The following MYO7A variants were observed in gnomAD, a reference collection of about 807,000 sequenced individuals.
MYO7A encodes the protein unconventional myosin-VIIa.
A neutral mutation model predicts 263.8 loss-of-function variants in MYO7A; 210 were observed. The observed-to-expected ratio is 0.80, with a 90% confidence interval of 0.71 to 0.89. The LOEUF is 0.89. Ranked by LOEUF, MYO7A falls within the 40% of genes least tolerant of loss-of-function variation. The pLI is 0.00. For synonymous variants in MYO7A, 1,239 were observed against 1,197.3 expected (o/e 1.03, Z -0.72); for missense variants, 2,820 against 2,968.3 (o/e 0.95, Z 1.16).
intron 2 of MYO7A, among the ~76,000 whole-genome samples, chr11:77,132,526 G>A (rs1950796713): frequency 6.6e-6 from 1 of 152,118 alleles, no homozygotes; most frequent in African/African-American, 2.4e-5. Context: ...GTCTTGCTTT[G>A]TCACCAGGCT....
At position 77,206,084 on chromosome 11, in the gene MYO7A, G is replaced by C; in HGVS notation, c.5637-13G>C. On this transcript the variant is annotated splice_polypyrimidine_tract_variant and intron_variant, in intron 40 of 48. Transcript: ENST00000409709. ...CACGCACATGCCCCCTGCTGCCCCTGCTGCCTTTTCAGAAACGGGTCCCGG... is the reference window on the plus strand; with the variant it reads ...CACGCACATGCCCCCTGCTGCCCCTCCTGCCTTTTCAGAAACGGGTCCCGG... 6.2e-7 allele frequency: 1 copy of C among 1,601,468 alleles called. No individual in the cohort carries two copies. Among genetic ancestry groups the C allele is most frequent in the South Asian group, 1.1e-5 (1 of 89,098 alleles).
At chr11:77,142,162 C>T (rs548891316) in intron 2 of MYO7A, among the ~76,000 whole-genome samples, 156 of 152,370 alleles carry the variant, frequency 1.0e-3, no homozygotes, top group African/African-American at 3.3e-3. Flanking sequence ...ACATCCTCCC[C>T]CAGGATCAGG....
intron 27 of MYO7A, 56 bp from the exon 28 acceptor site, chr11:77,189,288 G>C: frequency 6.2e-7 from 1 of 1,604,898 alleles, no homozygotes; most frequent in Non-Finnish European, 8.5e-7. Context: ...AGGAGGTGGG[G>C]ACCGGGGCTG....
intron 14 of MYO7A, among the ~76,000 whole-genome samples, chr11:77,163,735 C>A (rs541474864): frequency 1.3e-5 from 2 of 152,098 alleles, no homozygotes; most frequent in Non-Finnish European, 2.9e-5. Context: ...TTTTCATCCA[C>A]GTTGTAGCAT....
In MYO7A at chr11:77,189,890, G is replaced by A. The variant is rs1396456699; in HGVS notation, c.3631-130G>A. The stretch of plus-strand genomic sequence containing the variant: ...CTGGAAATAGATGGTGGAGCTGAGA[G>A]GGTAGGGAAGCCACAGAAAGCAACC... On this transcript the variant is annotated intron_variant, in intron 28 of 48. Transcript: ENST00000409709. The A allele has an allele frequency of 5.1e-6, 7 of 1,379,520 alleles. No homozygotes were observed. The African/African-American group carries it at 7.3e-5, about 14-fold the overall frequency. 85.5% of individuals were successfully genotyped at this position (1,379,520 alleles called of 1,614,324 possible). A position where few individuals can be genotyped will look rare whatever the true frequency, so the allele number is the denominator to read the frequency against.
chr11:77,152,659 G>A (rs185898405), intron 4 of MYO7A, among the ~76,000 whole-genome samples: 54 of 152,020 alleles, frequency 3.6e-4, no homozygotes, highest in Admixed American at 3.2e-3. Context: ...TCTTTCGGCC[G>A]CTCAGCAAAC....
chr11:77,184,018 C>G (rs1955464624), intron 26 of MYO7A, among the ~76,000 whole-genome samples: 1 of 152,204 alleles, frequency 6.6e-6, no homozygotes, highest in African/African-American at 2.4e-5. Context: ...GTCTGCACCA[C>G]CCACTCCTGC....
chr11:77,206,394 C>G (rs896593580), intron 41 of MYO7A, among the ~76,000 whole-genome samples, 192 bp downstream of exon 41: 4 of 152,212 alleles, frequency 2.6e-5, no homozygotes, highest in African/African-American at 9.6e-5. Flanking sequence ...GGTTCCTGAT[C>G]CAACCCCTGC....
intron 3 of MYO7A, among the ~76,000 whole-genome samples, chr11:77,143,279 A>C (rs572672009): frequency 6.6e-6 from 1 of 152,234 alleles, no homozygotes; most frequent in African/African-American, 2.4e-5. Context: ...TGACCCATAC[A>C]TGAGATCACA....
At chr11:77,179,517 C>A (rs1221022138) in intron 20 of MYO7A, among the ~76,000 whole-genome samples, 1 of 152,188 alleles carries the variant, frequency 6.6e-6, no homozygotes, top group Non-Finnish European at 1.5e-5. Flanking sequence ...CTCTTGGGGG[C>A]CCCAACTCAG....
intron 40 of MYO7A, among the ~76,000 whole-genome samples, 156 bp from the exon 41 acceptor site, chr11:77,205,941 G>A (rs979793700): frequency 6.6e-6 from 1 of 152,112 alleles, no homozygotes; most frequent in African/African-American, 2.4e-5. Flanking sequence ...TTTTACAGAT[G>A]AGGAGCTCAA....
At position 77,142,829 on chromosome 11, in the gene MYO7A, A is replaced by G; in HGVS notation, c.132+7A>G. The G allele has an allele frequency of 6.3e-7, 1 of 1,591,894 alleles. No homozygotes were observed. The highest frequency in any genetic ancestry group is 2.3e-5 in the East Asian group (1 of 44,064). ...GGTGGATGATGAAGACAATGTGAGT[A>G]GTCCCCTCCCTCCTCCTGCCCCATG... On this transcript the variant is annotated splice_region_variant and intron_variant, in intron 3 of 48. Coordinates refer to ENST00000409709, the MANE Select transcript of MYO7A (RefSeq NM_000260.4).
chr11:77,147,612 G>C (rs527335993), intron 3 of MYO7A, among the ~76,000 whole-genome samples, 186 bp from the exon 4 acceptor site: 3 of 152,120 alleles, frequency 2.0e-5, no homozygotes, highest in East Asian at 1.9e-4. Context: ...CGGTCCTTGA[G>C]GGGTAGAGGT....
intron 16 of MYO7A, among the ~76,000 whole-genome samples, chr11:77,173,211 A>G (rs1954294949): frequency 6.6e-6 from 1 of 152,136 alleles, no homozygotes; most frequent in African/African-American, 2.4e-5. Context: ...TCTACCTCCT[A>G]AGGCTATTCC....
intron 12 of MYO7A, among the ~76,000 whole-genome samples, chr11:77,161,459 T>C (rs1308301694): frequency 6.6e-6 from 1 of 152,182 alleles, no homozygotes; most frequent in African/African-American, 2.4e-5. Flanking sequence ...ACGCTTGTGT[T>C]GGGGTCTCCG....
In MYO7A at chr11:77,175,449, C is replaced by T. The variant is rs781809036; in HGVS notation, c.2172C>T (p.Thr724=). The T allele has an allele frequency of 6.2e-7, 1 of 1,613,306 alleles. No individual in the cohort carries two copies. ...GTHDDWQIGK[T]KIFLKDHHDM... ...ACGATGACTGGCAGATAGGCAAAAC[C>T]AAGATCTTTCTGAAGGTGAGCACAG... The change falls in exon 18 of 49, where the codon ACC becomes ACT. Residue 724 remains threonine (T), a synonymous_variant. Transcript: ENST00000409709.
intron 45 of MYO7A, 32 bp downstream of exon 45, chr11:77,211,369 G>A: frequency 6.4e-7 from 1 of 1,552,002 alleles, no homozygotes; most frequent in Non-Finnish European, 8.7e-7. Context: ...GGAATGGTGG[G>A]GCCCTGAATG....
intron 2 of MYO7A, chr11:77,142,448 G>A: frequency 2.1e-5 from 11 of 529,410 alleles, no homozygotes; most frequent in African/African-American, 5.7e-5. Flanking sequence ...GAGAGGCCTT[G>A]GCTCTCTCTG....
Position 77,192,202 on chromosome 11 carries a change from A to G in MYO7A, c.4076A>G (p.Glu1359Gly), listed in dbSNP as rs770518876. The G allele has an allele frequency of 6.2e-6, 10 of 1,613,916 alleles. No individual in the cohort carries two copies. Among genetic ancestry groups the G allele is most frequent in the Non-Finnish European group, 8.5e-6 (10 of 1,179,902 alleles). The change falls in exon 31 of 49, where the codon GAG becomes GGG. Residue 1359 changes from glutamate (E) to glycine (G), a missense_variant. By Grantham distance (98) the Glu-to-Gly change is moderately conservative. Coordinates refer to ENST00000409709, the MANE Select transcript of MYO7A (RefSeq NM_000260.4). ...TTCACGCCCTGGCACAGCCCCTCCG[A>G]GGACAACGTGGCCACCAACCTCATC... ...EVFTPWHSPS[E>G]DNVATNLIYQ...
Sources: gnomAD v4.1 joint callset for allele counts (sites outside exome capture counted in the v4.1 genomes callset) on GRCh38, gnomAD v4.1.1 for gene constraint, MANE v1.5 for transcripts, NCBI Gene and HGNC (gene_info 2026-07-23, HGNC 2026-07-21) for gene names.